The following PARD3B variants were observed in gnomAD, a reference collection of about 807,000 sequenced individuals.
PARD3B encodes par-3 family cell polarity regulator beta.
PARD3B carries 103 observed loss-of-function variants against 130.2 expected under a neutral mutation model. That is an observed-to-expected ratio of 0.79 (90% CI 0.67 to 0.93). PARD3B has a LOEUF of 0.93. Among genes scored for constraint, PARD3B ranks in the 40% least tolerant of loss-of-function variants. The pLI is 0.00. For synonymous variants in PARD3B, 583 were observed against 553.2 expected (o/e 1.05, Z -0.76); for missense variants, 1,609 against 1,499.2 (o/e 1.07, Z -1.21).
At chr2:205,364,780 T>C (rs556755824) in intron 18 of PARD3B, among the ~76,000 whole-genome samples, 2 of 152,168 alleles carry the variant, frequency 1.3e-5, no homozygotes, top group Non-Finnish European at 2.9e-5. Flanking sequence ...GTGACTACAA[T>C]AATGGAGGCC....
intron 3 of PARD3B, among the ~76,000 whole-genome samples, chr2:205,036,441 G>A (rs537250818): frequency 2.3e-4 from 33 of 146,232 alleles, no homozygotes; most frequent in Admixed American, 1.8e-3. Context: ...GTATATAGTG[G>A]ACTATATATA....
chr2:205,430,756 G>A (rs1395143997), intron 19 of PARD3B, among the ~76,000 whole-genome samples: 1 of 152,052 alleles, frequency 6.6e-6, no homozygotes, highest in Non-Finnish European at 1.5e-5. Flanking sequence ...AAAATAAAAA[G>A]CAAAAAGGAA....
At chr2:205,548,440 C>A (rs1465863290) in intron 21 of PARD3B, among the ~76,000 whole-genome samples, 1 of 152,064 alleles carries the variant, frequency 6.6e-6, no homozygotes, top group African/African-American at 2.4e-5. Context: ...TGAGTATTAC[C>A]AAAACCATGT....
Position 204,734,702 on chromosome 2 carries a change from A to T in PARD3B, c.222+48420A>T, listed in dbSNP as rs1461105109. Reference sequence around the variant, plus strand: ...ATTAAATGAAATTCTTAAAGAGCAAAACTGTAATGATACAAATTAGATCAG... The same window carrying T: ...ATTAAATGAAATTCTTAAAGAGCAATACTGTAATGATACAAATTAGATCAG... On this transcript the variant is annotated intron_variant, in intron 2 of 22. Transcript: ENST00000406610. Among the ~76,000 whole-genome samples, 3 of 152,302 alleles carry T rather than the reference A, an allele frequency of 2.0e-5. No individual in the cohort carries two copies. The East Asian group carries it at 5.8e-4, about 29-fold the overall frequency.
rs1183148241 is a variant in PARD3B at position 205,585,793 on chromosome 2, T to C, written c.3261-29663T>C. 3.3e-5 allele frequency among the ~76,000 whole-genome samples: 5 copies of C among 152,132 alleles called. No individual in the cohort carries two copies. Among genetic ancestry groups the C allele is most frequent in the African/African-American group, 1.2e-4 (5 of 41,434 alleles). On this transcript the variant is annotated intron_variant, in intron 22 of 22. Transcript: ENST00000406610. The surrounding 1 kb of genome is among the most constrained non-coding windows in gnomAD (Gnocchi z 5.4). ...TTTCAGGAAGGGCTTTGAACTGGATTTCGGTAGCTTTGTGGGCTCTTGCAG... is the reference window on the plus strand; with the variant it reads ...TTTCAGGAAGGGCTTTGAACTGGATCTCGGTAGCTTTGTGGGCTCTTGCAG...
intron 2 of PARD3B, among the ~76,000 whole-genome samples, chr2:204,828,453 G>T (rs192644325): frequency 6.6e-6 from 1 of 152,050 alleles, no homozygotes. Context: ...TAAAAGCTCC[G>T]TAAGTAATTC....
At chr2:205,189,860 G>A (rs564417043) in intron 14 of PARD3B, among the ~76,000 whole-genome samples, 19 of 142,594 alleles carry the variant, frequency 1.3e-4, no homozygotes, top group East Asian at 8.3e-4. Flanking sequence ...ATTTTGTACC[G>A]CAGCAAAGGG....
intron 19 of PARD3B, among the ~76,000 whole-genome samples, chr2:205,410,642 A>T: frequency 6.6e-6 from 1 of 152,164 alleles, no homozygotes; most frequent in East Asian, 1.9e-4. Flanking sequence ...TTGGGGCTGG[A>T]TAATATACTA....
At chr2:205,499,045 G>A (rs978533159) in intron 20 of PARD3B, among the ~76,000 whole-genome samples, 2 of 152,114 alleles carry the variant, frequency 1.3e-5, no homozygotes, top group Admixed American at 6.6e-5. Context: ...ACTCAGTTAT[G>A]CCTCAAATGA....
At chr2:204,903,092 A>G (rs552457427) in intron 2 of PARD3B, among the ~76,000 whole-genome samples, 1 of 152,336 alleles carries the variant, frequency 6.6e-6, no homozygotes, top group South Asian at 2.1e-4. Context: ...CAAGCCAGAG[A>G]AGCCATTTTC....
chr2:205,365,163 G>A (rs2044555007), intron 18 of PARD3B, among the ~76,000 whole-genome samples: 1 of 145,876 alleles, frequency 6.9e-6, no homozygotes, highest in Non-Finnish European at 1.5e-5. Flanking sequence ...TAGTGCCATT[G>A]TACTCCAGCC....
At chr2:204,893,349 C>CT (rs2125692850) in intron 2 of PARD3B, among the ~76,000 whole-genome samples, 1 of 152,082 alleles carries the variant, frequency 6.6e-6, no homozygotes, top group Admixed American at 6.6e-5. Context: ...AGGTGTTATG[C>CT]TTTAAAGTTT....
At chr2:205,471,253 T>C (rs548884105) in intron 20 of PARD3B, among the ~76,000 whole-genome samples, 1 of 152,296 alleles carries the variant, frequency 6.6e-6, no homozygotes, top group Admixed American at 6.5e-5. Context: ...CTTTTTCATA[T>C]TGATATATCT....
intron 18 of PARD3B, among the ~76,000 whole-genome samples, chr2:205,330,404 C>T (rs2043080410): frequency 6.6e-6 from 1 of 152,154 alleles, no homozygotes; most frequent in Non-Finnish European, 1.5e-5. Context: ...GTGTTGGACT[C>T]TTGCTAGCCT....
At chr2:204,619,539 C>G (rs1481005580) in intron 1 of PARD3B, among the ~76,000 whole-genome samples, 2 of 152,008 alleles carry the variant, frequency 1.3e-5, no homozygotes, top group East Asian at 1.9e-4. Context: ...TTTAAGGAAC[C>G]AAGGTACTCT....
At chr2:204,923,228 G>A (rs1431089642) in intron 2 of PARD3B, among the ~76,000 whole-genome samples, 1 of 151,838 alleles carries the variant, frequency 6.6e-6, no homozygotes, top group African/African-American at 2.4e-5. Context: ...TTACTTTCTT[G>A]TATTCATATC....
chr2:205,540,081 T>C (rs1009188821), intron 21 of PARD3B, among the ~76,000 whole-genome samples: 2 of 152,158 alleles, frequency 1.3e-5, no homozygotes, highest in Non-Finnish European at 2.9e-5. Context: ...CTCCACAGCA[T>C]GTGAGTTGTG....
chr2:205,554,260 T>TA (rs397755294), intron 22 of PARD3B, among the ~76,000 whole-genome samples: 127 of 152,020 alleles, frequency 8.4e-4, no homozygotes, highest in African/African-American at 2.5e-3. Flanking sequence ...AGAGTTTTTT[T>TA]ATCAAAACTG....
intron 1 of PARD3B, 181 bp downstream of exon 1, chr2:204,546,300 G>T (rs2029928438): frequency 2.3e-6 from 2 of 868,192 alleles, no homozygotes; most frequent in South Asian, 1.7e-5. Context: ...TGTGGGCCTT[G>T]AGCTCCGAGG....
Sources: allele counts gnomAD v4.1 joint callset (sites outside exome capture counted in the v4.1 genomes callset), GRCh38; gene constraint gnomAD v4.1.1; non-coding constraint Gnocchi (gnomAD v3.1); transcripts MANE v1.5; gene names NCBI Gene and HGNC (gene_info 2026-07-23, HGNC 2026-07-21).